The following SETD2 variants were observed in gnomAD, a reference collection of about 807,000 sequenced individuals.
SETD2 encodes the protein histone-lysine N-methyltransferase SETD2.
A neutral mutation model predicts 242.1 loss-of-function variants in SETD2; 31 were observed. That is an observed-to-expected ratio of 0.13 (90% confidence interval 0.10 to 0.17). The LOEUF is 0.17. Ranked by LOEUF, SETD2 falls within the 10% of genes least tolerant of loss-of-function variation. The pLI, the probability that SETD2 is intolerant of heterozygous loss-of-function variation, is 1.00. For missense variants in SETD2, 2,481 were observed against 3,046.3 expected (o/e 0.81, Z 4.37); for synonymous variants, 1,006 against 1,066.5 (o/e 0.94, Z 1.11).
Position 47,096,634 on chromosome 3 carries a change from G to C in SETD2, c.5142+1321C>G, listed in dbSNP as rs534981270. On this transcript the variant is annotated intron_variant, in intron 9 of 20. Coordinates refer to ENST00000409792, the MANE Select transcript of SETD2 (RefSeq NM_014159.7). Reference sequence around the variant, plus strand: ...ACTGTGGCTCATGCCTGTAATCCCAGCACTTTGGGAGGCCAAGGTGAGAGG... The same window carrying C: ...ACTGTGGCTCATGCCTGTAATCCCACCACTTTGGGAGGCCAAGGTGAGAGG... 6.8e-4 allele frequency among the ~76,000 whole-genome samples: 102 copies of C among 149,860 alleles called. 1 individual carries two copies. The South Asian group carries it at 0.016, about 24-fold the overall frequency.
At chr3:47,155,585 G>C (rs1401590639) in intron 1 of SETD2, among the ~76,000 whole-genome samples, 1 of 152,088 alleles carries the variant, frequency 6.6e-6, no homozygotes, top group Non-Finnish European at 1.5e-5. Context: ...GACTGAGGTG[G>C]GTGGATCACT....
At chr3:47,072,628 A>G (rs995786785) in intron 12 of SETD2, among the ~76,000 whole-genome samples, 4 of 152,066 alleles carry the variant, frequency 2.6e-5, no homozygotes, top group African/African-American at 7.2e-5. Flanking sequence ...TGGGCAATAT[A>G]GCAAGACCTC....
At chr3:47,128,273 ATGT>A (rs1254459284) in intron 1 of SETD2, among the ~76,000 whole-genome samples, 1 of 152,192 alleles carries the variant, frequency 6.6e-6, no homozygotes, top group African/African-American at 2.4e-5. Flanking sequence ...TCTCTGGGTT[ATGT>A]TCTAACAAAG....
In SETD2 at chr3:47,084,380, A is replaced by G. The variant is rs923518814; in HGVS notation, c.5400T>C (p.Ile1800=). The G allele has an allele frequency of 6.2e-7, 1 of 1,603,070 alleles. No homozygotes were observed. Among genetic ancestry groups the G allele is most frequent in the African/African-American group, 1.3e-5 (1 of 74,378 alleles). The change falls in exon 12 of 21, where the codon ATT becomes ATC. Residue 1800 remains isoleucine, a splice_region_variant and synonymous_variant. Transcript: ENST00000409792. The part of the protein sequence containing the change: ...RESNQKLQEE[I]IKTLEHLPIP... The stretch of plus-strand genomic sequence containing the variant: ...TGGGCAAGTGTTCCAAAGTCTTTAT[A>G]ATCTGATTAAACATAAAAAAAAATT...
chr3:47,106,526 A>AAAAAAAAC (rs1559726485), intron 5 of SETD2, among the ~76,000 whole-genome samples: 7 of 133,334 alleles, frequency 5.2e-5, no homozygotes, highest in African/African-American at 1.4e-4. Context: ...AAAAAAAAAA[A>AAAAAAAAC]GGCAGCCGGG....
At chr3:47,106,721 A>C (rs1306976124) in intron 5 of SETD2, among the ~76,000 whole-genome samples, 1 of 150,814 alleles carries the variant, frequency 6.6e-6, no homozygotes, top group African/African-American at 2.4e-5. Flanking sequence ...CTGAGACAGG[A>C]GAATTGCTTG....
At chr3:47,093,664 A>G (rs1177298656) in intron 9 of SETD2, among the ~76,000 whole-genome samples, 1 of 152,144 alleles carries the variant, frequency 6.6e-6, no homozygotes, top group African/African-American at 2.4e-5. Flanking sequence ...TCTGATATAC[A>G]TTATAGCTAG....
chr3:47,128,182 G>A (rs1041748400), intron 1 of SETD2, among the ~76,000 whole-genome samples: 4 of 152,134 alleles, frequency 2.6e-5, no homozygotes, highest in South Asian at 4.1e-4. Context: ...CTTCTCAATC[G>A]TTTTTGGTAT....
At chr3:47,147,415 TC>T (rs2043882530) in intron 1 of SETD2, among the ~76,000 whole-genome samples, 1 of 147,754 alleles carries the variant, frequency 6.8e-6, no homozygotes, top group African/African-American at 2.5e-5. Context: ...CTCTGCCTCC[TC>T]GGTTCGAACG....
At chr3:47,115,329 T>G (rs2042812467) in intron 4 of SETD2, among the ~76,000 whole-genome samples, 1 of 152,080 alleles carries the variant, frequency 6.6e-6, no homozygotes, top group South Asian at 2.1e-4. Flanking sequence ...AGAAATATTT[T>G]TCTTCATGTA....
Position 47,108,539 on chromosome 3 carries a change from A to T in SETD2, c.4716-2419T>A, listed in dbSNP as rs191321296. 7.8e-4 allele frequency among the ~76,000 whole-genome samples: 119 copies of T among 152,290 alleles called. 1 individual carries two copies. The East Asian group carries it at 0.019, about 24-fold the overall frequency. On this transcript the variant is annotated intron_variant, in intron 5 of 20. Coordinates refer to ENST00000409792, the MANE Select transcript of SETD2 (RefSeq NM_014159.7). ...TTATATTATAAAGATGCTTTCTTGAATTTTACTAAAATATTCAATTCTAAT... is the reference window on the plus strand; with the variant it reads ...TTATATTATAAAGATGCTTTCTTGATTTTTACTAAAATATTCAATTCTAAT...
At position 47,163,896 on chromosome 3, in the gene SETD2, G is replaced by A. The variant is rs773221585; in HGVS notation, c.29C>T (p.Pro10Leu). 1.4e-5 allele frequency: 19 copies of A among 1,317,490 alleles called. No individual in the cohort carries two copies. In the African/African-American group the frequency reaches 2.0e-4, roughly 14 times the overall value. 81.6% of individuals were successfully genotyped at this position (1,317,490 alleles called of 1,614,324 possible). ...CGGGTCGTAGAAATCCCCCATCTTC[G>A]GAGGCGGCTGCGGCTGCAGCTGCTT... The part of the protein sequence containing the change: MKQLQPQPP[P>L]KMGDFYDPEH... The change falls in exon 1 of 21, where the codon CCG becomes CTG. Residue 10 changes from proline to leucine, a missense_variant. Coordinates refer to ENST00000409792, the MANE Select transcript of SETD2 (RefSeq NM_014159.7).
In SETD2 at chr3:47,029,729, T is replaced by C. The variant is rs1336633245; in HGVS notation, c.7350+7937A>G. Among the ~76,000 whole-genome samples, 8 of 152,224 alleles carry C rather than the reference T, an allele frequency of 5.3e-5. No homozygotes were observed. The East Asian group carries it at 1.5e-3, about 29-fold the overall frequency. ...TGGGGGTATTTGCTTAAGTATGAGA[T>C]ACTTGATAGGGGCTTTATCATGCAA... On this transcript the variant is annotated intron_variant, in intron 18 of 20. Coordinates refer to ENST00000409792, the MANE Select transcript of SETD2 (RefSeq NM_014159.7).
At chr3:47,157,022 C>T (rs773231010) in intron 1 of SETD2, among the ~76,000 whole-genome samples, 3 of 152,030 alleles carry the variant, frequency 2.0e-5, no homozygotes, top group Non-Finnish European at 4.4e-5. Context: ...AATCCCAGCA[C>T]TTTTGGGAAG....
intron 5 of SETD2, among the ~76,000 whole-genome samples, chr3:47,107,206 GA>G (rs2042461800): frequency 6.6e-6 from 1 of 152,120 alleles, no homozygotes; most frequent in African/African-American, 2.4e-5. Context: ...TGGCCTGCCT[GA>G]AAGTCTTTTC....
At chr3:47,080,371 C>T (rs528154384) in intron 12 of SETD2, among the ~76,000 whole-genome samples, 1 of 152,164 alleles carries the variant, frequency 6.6e-6, no homozygotes, top group African/African-American at 2.4e-5. Flanking sequence ...ATCCTATAAT[C>T]TAAGTGTTTA....
Position 47,163,978 on chromosome 3 carries a change from G to GGGGGA in SETD2, c.-59_-55dup, listed in dbSNP as rs1337802727. 1.3e-5 allele frequency: 16 copies of GGGGGA among 1,256,768 alleles called. No individual in the cohort carries two copies. The highest frequency in any genetic ancestry group is 2.3e-4 in the Middle Eastern group (1 of 4,364). The allele number at this position is 1,256,768 out of a possible 1,614,324, so 77.9% of individuals were successfully genotyped here. A position where few individuals can be genotyped will look rare whatever the true frequency, so the allele number is the denominator to read the frequency against. ...CCCCCTCCCCGCAGCAGGGCGACGC[G>GGGGGA]GGGGAGGGGAGGGGAGGAGGCCGCA... On this transcript the variant is annotated 5_prime_UTR_variant, in exon 1 of 21. Transcript: ENST00000409792.
At chr3:47,134,495 CCTT>C (rs1307309210) in intron 1 of SETD2, among the ~76,000 whole-genome samples, 3 of 152,170 alleles carry the variant, frequency 2.0e-5, no homozygotes, top group Non-Finnish European at 2.9e-5. Flanking sequence ...CTGAGCCAAT[CCTT>C]CTGTAGGCTA....
chr3:47,105,848 A>G (rs774060533), intron 6 of SETD2, 149 bp downstream of exon 6: 2 of 817,098 alleles, frequency 2.4e-6, no homozygotes, highest in East Asian at 6.0e-5. Context: ...GGTTGCAGTG[A>G]GCCGAGATCT....
Sources: gnomAD v4.1 joint callset for allele counts (sites outside exome capture counted in the v4.1 genomes callset) on GRCh38, gnomAD v4.1.1 for gene constraint, MANE v1.5 for transcripts, NCBI Gene and HGNC (gene_info 2026-07-23, HGNC 2026-07-21) for gene names.